The following UNC5D variants were observed in gnomAD, a reference collection of about 807,000 sequenced individuals.
UNC5D encodes netrin receptor UNC5D.
Under a neutral mutation model 105.4 loss-of-function variants are expected in UNC5D, and 39 were observed. The observed-to-expected ratio is 0.37, with a 90% CI of 0.29 to 0.48. The LOEUF is 0.48. UNC5D is among the 20% of genes least tolerant of loss of function. UNC5D has a pLI of 0.98. For synonymous variants in UNC5D, 452 were observed against 450.4 expected, an observed-to-expected ratio of 1.00 and a Z score of -0.04; for missense variants, 991 against 1,202.4, an observed-to-expected ratio of 0.82 and a Z score of 2.60.
At chr8:35,645,554 T>A (rs534016713) in intron 4 of UNC5D, among the ~76,000 whole-genome samples, 24 of 151,722 alleles carry the variant, frequency 1.6e-4, no homozygotes, top group South Asian at 4.2e-4. Flanking sequence ...TGTGTGTGTG[T>A]GAATTCTCTC....
At chr8:35,320,574 T>G (rs976342652) in intron 1 of UNC5D, among the ~76,000 whole-genome samples, 1 of 152,166 alleles carries the variant, frequency 6.6e-6, no homozygotes, top group Non-Finnish European at 1.5e-5. Flanking sequence ...TATTTTGGGC[T>G]AAAATACTTT....
chr8:35,741,305 G>A (rs940078406), intron 11 of UNC5D, among the ~76,000 whole-genome samples: 1 of 152,128 alleles, frequency 6.6e-6, no homozygotes, highest in Non-Finnish European at 1.5e-5. Flanking sequence ...ACTCATTCCA[G>A]TGTGTATATA....
At chr8:35,396,618 C>G (rs1428129519) in intron 1 of UNC5D, among the ~76,000 whole-genome samples, 1 of 152,074 alleles carries the variant, frequency 6.6e-6, no homozygotes, top group Non-Finnish European at 1.5e-5. Context: ...GTGCCTCAGC[C>G]TCTCAAGTAG....
intron 1 of UNC5D, among the ~76,000 whole-genome samples, chr8:35,244,055 G>A (rs1309181121): frequency 6.6e-6 from 1 of 152,162 alleles, no homozygotes; most frequent in Non-Finnish European, 1.5e-5. Context: ...CATCTATCAT[G>A]TGGTCCTATT....
At chr8:35,455,842 C>T (rs2128994353) in intron 1 of UNC5D, among the ~76,000 whole-genome samples, 1 of 152,082 alleles carries the variant, frequency 6.6e-6, no homozygotes, top group African/African-American at 2.4e-5. Flanking sequence ...TACTCACTAC[C>T]ACAAGAACAA....
At chr8:35,587,587 A>G (rs1172382529) in intron 3 of UNC5D, among the ~76,000 whole-genome samples, 3 of 152,164 alleles carry the variant, frequency 2.0e-5, no homozygotes, top group Non-Finnish European at 4.4e-5. Flanking sequence ...GCAGATTCCC[A>G]TGACTAAAAT....
chr8:35,504,846 C>T (rs922769558), intron 1 of UNC5D, among the ~76,000 whole-genome samples: 42 of 152,086 alleles, frequency 2.8e-4, no homozygotes, highest in African/African-American at 9.4e-4. Context: ...GAAACAGAAT[C>T]CACCCTCCCC....
intron 1 of UNC5D, among the ~76,000 whole-genome samples, chr8:35,523,644 T>TA (rs796843418): frequency 1.1e-4 from 15 of 131,570 alleles, no homozygotes; most frequent in African/African-American, 3.4e-4. Flanking sequence ...TAAATAATAC[T>TA]AAAAAAAAAA....
intron 1 of UNC5D, among the ~76,000 whole-genome samples, chr8:35,369,615 T>C (rs2128924022): frequency 6.6e-6 from 1 of 152,296 alleles, no homozygotes; most frequent in African/African-American, 2.4e-5. Flanking sequence ...GCCATGTCCA[T>C]GCGTAGATGT....
chr8:35,255,142 A>C (rs1473125355), intron 1 of UNC5D: 1 of 152,094 alleles, frequency 6.6e-6, no homozygotes, highest in African/African-American at 2.4e-5. Flanking sequence ...TTGGAAGAGG[A>C]ACATCCAGTC....
intron 1 of UNC5D, among the ~76,000 whole-genome samples, chr8:35,443,830 G>T (rs2128985789): frequency 6.6e-6 from 1 of 151,900 alleles, no homozygotes; most frequent in Admixed American, 6.6e-5. Flanking sequence ...GTATCAAAAG[G>T]TTATATATAT....
intron 1 of UNC5D, among the ~76,000 whole-genome samples, chr8:35,369,391 A>T (rs990580014): frequency 1.3e-5 from 2 of 152,232 alleles, no homozygotes; most frequent in African/African-American, 2.4e-5. Flanking sequence ...GAATTCAAGT[A>T]TATACACATT....
chr8:35,501,305 C>G (rs1401906242), intron 1 of UNC5D, among the ~76,000 whole-genome samples: 1 of 152,230 alleles, frequency 6.6e-6, no homozygotes, highest in Non-Finnish European at 1.5e-5. Flanking sequence ...GAGTCCCCAC[C>G]AGTTGGCCTC....
At chr8:35,242,232 T>C (rs1447161405) in intron 1 of UNC5D, among the ~76,000 whole-genome samples, 4 of 152,140 alleles carry the variant, frequency 2.6e-5, no homozygotes. Flanking sequence ...ATAAGAAACT[T>C]TACAGATGTT....
At position 35,756,921 on chromosome 8, in the gene UNC5D, A is replaced by G. The variant is rs531193534; in HGVS notation, c.2164-2399A>G. 2.7e-4 allele frequency among the ~76,000 whole-genome samples: 41 copies of G among 152,328 alleles called. No homozygotes were observed. The South Asian group carries it at 8.3e-3, about 31-fold the overall frequency. ...TTAAAGAAAAGGGTATATTTGAGAA[A>G]GCCTAGTTCGAATACACTTAGAAGA... On this transcript the variant is annotated intron_variant, in intron 13 of 16. Coordinates refer to ENST00000404895, the MANE Select transcript of UNC5D (RefSeq NM_080872.4).
intron 1 of UNC5D, among the ~76,000 whole-genome samples, chr8:35,400,132 G>A (rs1804363607): frequency 6.6e-6 from 1 of 152,114 alleles, no homozygotes; most frequent in Admixed American, 6.5e-5. Context: ...TTATTAGGTA[G>A]TTGCACCAGC....
In UNC5D at chr8:35,273,390, T is replaced by C. The variant is rs1236735387; in HGVS notation, c.103+37503T>C. Among the ~76,000 whole-genome samples, 3 of 152,184 alleles carry C rather than the reference T, an allele frequency of 2.0e-5. No homozygotes were observed. In the East Asian group the frequency reaches 5.8e-4, roughly 29 times the overall value. On this transcript the variant is annotated intron_variant, in intron 1 of 16. Coordinates refer to ENST00000404895, the MANE Select transcript of UNC5D (RefSeq NM_080872.4). ...GATAGGTGTTTCAAGATGGAGTCAGTAGGCGTAATTTAAGTACTGAAGGTC... is the reference window on the plus strand; with the variant it reads ...GATAGGTGTTTCAAGATGGAGTCAGCAGGCGTAATTTAAGTACTGAAGGTC...
chr8:35,692,769 G>T (rs1416664868), intron 7 of UNC5D, among the ~76,000 whole-genome samples: 1 of 152,150 alleles, frequency 6.6e-6, no homozygotes, highest in African/African-American at 2.4e-5. Flanking sequence ...ATTTTTATGT[G>T]GCCATGAAGC....
chr8:35,602,023 G>A (rs1354787608), intron 4 of UNC5D, among the ~76,000 whole-genome samples: 2 of 152,070 alleles, frequency 1.3e-5, no homozygotes, highest in Admixed American at 6.6e-5. Context: ...ATTGAATTTT[G>A]TCAAAGGCTT....
Sources: gnomAD v4.1 joint callset for allele counts (sites outside exome capture counted in the v4.1 genomes callset) on GRCh38, gnomAD v4.1.1 for gene constraint, MANE v1.5 for transcripts, NCBI Gene and HGNC (gene_info 2026-07-23, HGNC 2026-07-21) for gene names.